GALNS: variants seen among roughly 807,000 people sequenced by gnomAD.
The protein encoded by GALNS is galactosamine (N-acetyl)-6-sulfatase, also known as N-acetylgalactosamine-6-sulfatase.
GALNS carries 65 observed loss-of-function variants against 65.9 expected under a neutral mutation model. That is an observed-to-expected ratio of 0.99 (90% CI 0.81 to 1.21). The LOEUF is 1.21. Among genes scored for constraint, GALNS ranks in the 50% most tolerant of loss-of-function variants. GALNS has a pLI of 0.00. For missense variants in GALNS, 776 were observed against 700.7 expected (o/e 1.11, Z -1.21); for synonymous variants, 346 against 288.9 (o/e 1.20, Z -2.00).
intron 1 of GALNS, among the ~76,000 whole-genome samples, chr16:88,852,415 C>G (rs1191686740): frequency 6.6e-6 from 1 of 152,214 alleles, no homozygotes; most frequent in African/African-American, 2.4e-5. Context: ...GATAAAACCA[C>G]AAAGATGGGG....
chr16:88,848,787 C>T (rs899698157), intron 1 of GALNS, among the ~76,000 whole-genome samples: 8 of 151,828 alleles, frequency 5.3e-5, no homozygotes, highest in South Asian at 2.1e-4. Context: ...TGACTGGGAA[C>T]GGCTGCTGGA....
intron 4 of GALNS, among the ~76,000 whole-genome samples, chr16:88,839,896 C>T (rs542687608): frequency 1.2e-4 from 18 of 152,364 alleles, no homozygotes; most frequent in Non-Finnish European, 1.9e-4. Flanking sequence ...CCAGGCCAGG[C>T]GGAGAGCTCT....
At chr16:88,817,443 G>A (rs1057083695) in intron 13 of GALNS, 7 of 985,320 alleles carry the variant, frequency 7.1e-6, no homozygotes, top group African/African-American at 7.0e-5. Context: ...GGTCTGATGC[G>A]AAGGTCTCTG....
intron 2 of GALNS, 146 bp downstream of exon 2, chr16:88,842,560 A>C (rs1967024294): frequency 3.0e-6 from 3 of 992,410 alleles, no homozygotes; most frequent in Middle Eastern, 6.2e-4. Flanking sequence ...TTGATGAGAA[A>C]GGCCTGAGCC....
At chr16:88,842,594 G>T in intron 2 of GALNS, 112 bp downstream of exon 2, 2 of 1,341,550 alleles carry the variant, frequency 1.5e-6, no homozygotes, top group Non-Finnish European at 2.1e-6. Context: ...CCCTGCAGTA[G>T]TAGGAATAGA....
At chr16:88,840,889 A>C (rs1940480802) in intron 4 of GALNS, 103 bp downstream of exon 4, 1 of 924,020 alleles carries the variant, frequency 1.1e-6, no homozygotes, top group Non-Finnish European at 1.8e-6. Context: ...TTTCCCACCC[A>C]AGACACCCTC....
At chr16:88,836,835 T>G (rs75008596) in intron 5 of GALNS, among the ~76,000 whole-genome samples, 7,610 of 151,952 alleles carry the variant, frequency 0.05, 247 homozygotes, top group Middle Eastern at 0.16. Flanking sequence ...GACACCAAGG[T>G]GAAGGCAGTG....
chr16:88,814,001 G>C lies in GALNS; in HGVS notation c.*438C>G, dbSNP rs1287849072. ...TCAGTGGAAGGCTGACTGAACCAAT[G>C]TACGCCATACACATACTGATCTTGT... is the stretch of plus-strand genomic sequence containing the variant. On this transcript the variant is annotated 3_prime_UTR_variant, in exon 14 of 14. Transcript: ENST00000268695. 1 of 273,448 alleles carries C rather than the reference G, an allele frequency of 3.7e-6. No individual in the cohort carries two copies. Among genetic ancestry groups the C allele is most frequent in the Non-Finnish European group, 7.3e-6 (1 of 137,610 alleles). 16.9% of individuals were successfully genotyped at this position (273,448 alleles called of 1,614,324 possible).
In GALNS at chr16:88,819,914, G is replaced by C. The variant is rs112998955; in HGVS notation, c.1365-1790C>G. Among the ~76,000 whole-genome samples, 932 of 151,942 alleles carry C rather than the reference G, an allele frequency of 6.1e-3. 7 individuals carry two copies. Among genetic ancestry groups the C allele is most frequent in the Non-Finnish European group, 7.5e-3 (512 of 67,942 alleles). On this transcript the variant is annotated intron_variant, in intron 12 of 13. Transcript: ENST00000268695. Reference sequence around the variant, plus strand: ...TCACCATGTTGGTCAGGCTGGTCTCGAACTCCTGACCTCATGATCTGCCTG... The same window carrying C: ...TCACCATGTTGGTCAGGCTGGTCTCCAACTCCTGACCTCATGATCTGCCTG...
chr16:88,822,179 G>A (rs1910297705), intron 12 of GALNS, among the ~76,000 whole-genome samples: 1 of 152,192 alleles, frequency 6.6e-6, no homozygotes, highest in South Asian at 2.1e-4. Flanking sequence ...TCGGTGGGGT[G>A]AGGACAAGGC....
chr16:88,856,043 C>T lies in GALNS; in HGVS notation c.120+715G>A. The T allele has an allele frequency of 4.7e-6, 3 of 638,084 alleles. No individual in the cohort carries two copies. In the South Asian group the frequency reaches 5.2e-5, roughly 11 times the overall value. 39.5% of individuals were successfully genotyped at this position (638,084 alleles called of 1,614,324 possible). On this transcript the variant is annotated intron_variant, in intron 1 of 13. Transcript: ENST00000268695. ...CAACCCAGGTGTGTCTGGGGTCCTG[C>T]ACGGTGACCCATGCCCCAGGCAGGC...
rs116408424 is a variant in GALNS at position 88,825,776 on chromosome 16, C to T, written c.1140-907G>A. ...CAGGAACGGGGAGTGGGGGACGCAG[C>T]TGGGCACCGTCTCTCCCCACAGTGA... On this transcript the variant is annotated intron_variant, in intron 10 of 13. Transcript: ENST00000268695. 5.0e-3 allele frequency among the ~76,000 whole-genome samples: 754 copies of T among 152,166 alleles called. 10 individuals are homozygous for T. Among genetic ancestry groups the T allele is most frequent in the African/African-American group, 0.017 (707 of 41,464 alleles).
At chr16:88,823,510 G>T (rs1258384264) in intron 11 of GALNS, among the ~76,000 whole-genome samples, 1 of 149,154 alleles carries the variant, frequency 6.7e-6, no homozygotes, top group Non-Finnish European at 1.5e-5. Context: ...CCGATGCCCA[G>T]GACGGCCCTC....
intron 1 of GALNS, among the ~76,000 whole-genome samples, chr16:88,850,561 G>T (rs925668450): frequency 2.0e-5 from 3 of 152,090 alleles, no homozygotes; most frequent in Non-Finnish European, 4.4e-5. Context: ...AGAAGATACC[G>T]CAAGGGAGCA....
chr16:88,855,821 C>T (rs1967811371), intron 1 of GALNS: 6 of 508,338 alleles, frequency 1.2e-5, no homozygotes, highest in East Asian at 1.0e-4. Context: ...GGTCTGAAGG[C>T]ACCTGTCAGG....
At chr16:88,843,963 G>A (rs1274757113) in intron 1 of GALNS, 1 of 152,280 alleles carries the variant, frequency 6.6e-6, no homozygotes, top group African/African-American at 2.4e-5. Flanking sequence ...GAGGCAGGAG[G>A]CGGCTGAGTG....
chr16:88,814,258 G>T lies in GALNS; in HGVS notation c.*181C>A. ...TGAGGCGCCGTGGGCGAGGAGGAGG[G>T]CCAAGCACACGCCAGGGTCAGGTCC... On this transcript the variant is annotated 3_prime_UTR_variant, in exon 14 of 14. Transcript: ENST00000268695. The T allele has an allele frequency of 1.2e-6, 1 of 828,202 alleles. No homozygotes were observed. The allele number at this position is 828,202 out of a possible 1,614,324, so 51.3% of individuals were successfully genotyped here. A position where few individuals can be genotyped will look rare whatever the true frequency, so the allele number is the denominator to read the frequency against.
At position 88,826,818 on chromosome 16, in the gene GALNS, G is replaced by A; in HGVS notation, c.1023C>T (p.Ser341=). Residue 341 remains serine, a synonymous_variant, in exon 10 of 14, where the codon AGC becomes AGT. Coordinates refer to ENST00000268695, the MANE Select transcript of GALNS (RefSeq NM_000512.5). ...TAGQVSHQLG[S]IMDLFTTSLA... is the part of the protein sequence containing the mutation. Reference sequence around the variant, plus strand: ...GGCTGGTGGTGAAGAGGTCCATGATGCTGCCCAGCTGGTGGCTCACCTGAA... The same window carrying A: ...GGCTGGTGGTGAAGAGGTCCATGATACTGCCCAGCTGGTGGCTCACCTGAA... 1.3e-6 allele frequency: 2 copies of A among 1,586,844 alleles called. No homozygotes were observed. Among genetic ancestry groups the A allele is most frequent in the Non-Finnish European group, 8.6e-7 (1 of 1,167,332 alleles).
intron 13 of GALNS, chr16:88,815,318 G>A: frequency 1.0e-6 from 1 of 985,478 alleles, no homozygotes; most frequent in Non-Finnish European, 1.2e-6. Context: ...GGTCCTCCCA[G>A]GAGGGCCCAC....
Sources: allele counts gnomAD v4.1 joint callset (sites outside exome capture counted in the v4.1 genomes callset), GRCh38; gene constraint gnomAD v4.1.1; transcripts MANE v1.5; gene names NCBI Gene and HGNC (gene_info 2026-07-23, HGNC 2026-07-21).